NLGN1: variants seen among roughly 807,000 people sequenced by gnomAD.
NLGN1 encodes the protein neuroligin 1, also known as neuroligin-1.
In NLGN1, 12 loss-of-function variants were observed where a neutral mutation model predicts 65.5. That is an observed-to-expected ratio of 0.18 (90% CI 0.12 to 0.30). The LOEUF is 0.30. Among genes scored for constraint, NLGN1 ranks in the 10% least tolerant of loss-of-function variants. The pLI is 1.00. For synonymous variants in NLGN1, 350 were observed against 359.5 expected (o/e 0.97, Z 0.30); for missense variants, 750 against 1,007.1 (o/e 0.74, Z 3.46).
intron 2 of NLGN1, among the ~76,000 whole-genome samples, chr3:173,475,627 A>G (rs1431425727): frequency 1.3e-5 from 2 of 152,218 alleles, no homozygotes; most frequent in South Asian, 2.1e-4. Flanking sequence ...CCAGATCCTT[A>G]TATGATGACT....
intron 4 of NLGN1, among the ~76,000 whole-genome samples, chr3:173,966,792 A>G (rs1714974576): frequency 6.6e-6 from 1 of 152,216 alleles, no homozygotes; most frequent in Admixed American, 6.5e-5. Flanking sequence ...CACTCTTGGT[A>G]ATAGACCTTG....
intron 3 of NLGN1, among the ~76,000 whole-genome samples, chr3:173,804,490 C>T (rs57991877): frequency 0.023 from 3,476 of 151,904 alleles, 151 homozygotes; most frequent in African/African-American, 0.08. Context: ...GATATATTTG[C>T]ACAGAAGATA....
At chr3:173,683,878 G>A (rs1379564841) in intron 3 of NLGN1, among the ~76,000 whole-genome samples, 2 of 152,052 alleles carry the variant, frequency 1.3e-5, no homozygotes, top group African/African-American at 4.8e-5. Context: ...AAAAAACAGA[G>A]GGTGAGGCCA....
intron 2 of NLGN1, among the ~76,000 whole-genome samples, chr3:173,531,061 A>G (rs939334774): frequency 6.6e-6 from 1 of 152,136 alleles, no homozygotes; most frequent in African/African-American, 2.4e-5. Context: ...CATTTTTAGA[A>G]TATACAATTA....
intron 4 of NLGN1, among the ~76,000 whole-genome samples, chr3:174,234,939 T>G (rs183671900): frequency 6.6e-6 from 1 of 150,984 alleles, no homozygotes; most frequent in South Asian, 2.1e-4. Context: ...GATGCATTTT[T>G]TATATATATA....
chr3:174,267,007 A>AAAAC (rs1243057118), intron 4 of NLGN1, among the ~76,000 whole-genome samples: 2 of 152,134 alleles, frequency 1.3e-5, no homozygotes, highest in African/African-American at 2.4e-5. Context: ...CTGCATACTA[A>AAAAC]AAACATTATC....
At chr3:174,125,623 A>G (rs1458413415) in intron 4 of NLGN1, among the ~76,000 whole-genome samples, 1 of 152,114 alleles carries the variant, frequency 6.6e-6, no homozygotes, top group Non-Finnish European at 1.5e-5. Context: ...TCGGAACTCA[A>G]AGAGAGGTCA....
intron 3 of NLGN1, among the ~76,000 whole-genome samples, chr3:173,765,278 T>C (rs193189535): frequency 1.3e-5 from 2 of 152,032 alleles, no homozygotes; most frequent in Non-Finnish European, 2.9e-5. Flanking sequence ...GTTGCCAGAA[T>C]CTAAAACAAT....
intron 4 of NLGN1, among the ~76,000 whole-genome samples, chr3:174,122,279 A>G (rs1253034197): frequency 2.0e-5 from 3 of 152,182 alleles, no homozygotes; most frequent in Admixed American, 2.0e-4. Flanking sequence ...CTTTGAGATC[A>G]ACATTTTTTC....
chr3:173,411,322 G>A (rs1345204836), intron 1 of NLGN1, among the ~76,000 whole-genome samples: 2 of 152,178 alleles, frequency 1.3e-5, no homozygotes, highest in East Asian at 3.9e-4. Context: ...GTGGTCATCA[G>A]AGAGAACTAT....
Position 173,748,647 on chromosome 3 carries a change from T to C in NLGN1, c.494-59033T>C, listed in dbSNP as rs192975026. ...TAATATAAACAAACAAACAAAAGGT[T>C]TCTCCATAACATCACCTGTAAGTTA... is the stretch of plus-strand genomic sequence containing the variant. On this transcript the variant is annotated intron_variant, in intron 3 of 6. Coordinates refer to ENST00000457714, the Ensembl canonical transcript of NLGN1. Among the ~76,000 whole-genome samples, 5 of 152,272 alleles carry C rather than the reference T, an allele frequency of 3.3e-5. 1 individual carries two copies. The highest frequency in any genetic ancestry group is 3.3e-4 in the Admixed American group (5 of 15,272).
chr3:173,769,076 C>T (rs547084526), intron 3 of NLGN1, among the ~76,000 whole-genome samples: 1 of 152,200 alleles, frequency 6.6e-6, no homozygotes, highest in South Asian at 2.1e-4. Flanking sequence ...TTTTAACCGA[C>T]CTAGATTGGT....
intron 3 of NLGN1, among the ~76,000 whole-genome samples, chr3:173,729,429 C>A (rs1332928430): frequency 6.6e-6 from 1 of 151,986 alleles, no homozygotes; most frequent in African/African-American, 2.4e-5. Flanking sequence ...TATCCTAATT[C>A]TTTAGGCTTT....
rs966259581 is a variant in NLGN1, at chr3:173,549,712, C to T, written c.-320-54567C>T. On this transcript the variant is annotated intron_variant, in intron 2 of 6. Coordinates refer to ENST00000457714, the Ensembl canonical transcript of NLGN1. ...GTTTTTTATATGCTTATATTACTGG[C>T]GGAAGATGACTATGCATATTTCTGA... Among the ~76,000 whole-genome samples the T allele has an allele frequency of 5.9e-5, 9 of 151,926 alleles. No individual in the cohort carries two copies. In the South Asian group the frequency reaches 8.3e-4, roughly 14 times the overall value.
At chr3:173,850,611 T>C (rs1202368793) in intron 4 of NLGN1, among the ~76,000 whole-genome samples, 1 of 152,214 alleles carries the variant, frequency 6.6e-6, no homozygotes, top group East Asian at 1.9e-4. Flanking sequence ...ATCCTTTTCG[T>C]TGAAACAAAA....
intron 4 of NLGN1, among the ~76,000 whole-genome samples, chr3:174,030,122 CTT>C (rs3979617): frequency 0.19 from 22,499 of 117,460 alleles, 1,204 homozygotes; most frequent in East Asian, 0.29. Context: ...TTTAAGTTAG[CTT>C]TTTTTTTTTT....
intron 4 of NLGN1, among the ~76,000 whole-genome samples, chr3:173,978,681 T>C (rs2152388347): frequency 6.6e-6 from 1 of 151,666 alleles, no homozygotes; most frequent in Non-Finnish European, 1.5e-5. Flanking sequence ...TGGTCAACCT[T>C]TGTCAAATAT....
chr3:174,196,782 T>G (rs1207810415), intron 4 of NLGN1, among the ~76,000 whole-genome samples: 1 of 152,196 alleles, frequency 6.6e-6, no homozygotes, highest in Non-Finnish European at 1.5e-5. Context: ...CTACAATGTA[T>G]AGAAAAAAAT....
chr3:174,019,523 C>G (rs947955513), intron 4 of NLGN1, among the ~76,000 whole-genome samples: 1 of 152,072 alleles, frequency 6.6e-6, no homozygotes, highest in Non-Finnish European at 1.5e-5. Flanking sequence ...CAGTGCTGTT[C>G]TGTTATAGCA....
Sources: allele counts gnomAD v4.1 joint callset (sites outside exome capture counted in the v4.1 genomes callset), GRCh38; gene constraint gnomAD v4.1.1; transcripts MANE v1.5; gene names NCBI Gene and HGNC (gene_info 2026-07-23, HGNC 2026-07-21).